CRACDL: variants seen among roughly 807,000 people sequenced by gnomAD.
CRACDL encodes the protein CRACD-like protein.
In CRACDL, 26 loss-of-function variants were observed where a neutral mutation model predicts 70.6. The ratio of observed to expected loss-of-function variants is 0.37; its 90% CI spans 0.27 to 0.51. CRACDL has a LOEUF of 0.51. Ranked by LOEUF, CRACDL falls within the 20% of genes least tolerant of loss-of-function variation. The probability of loss-of-function intolerance (pLI) is 0.94; values close to 1 mark genes in which losing one functional copy is unlikely to be tolerated. For synonymous variants in CRACDL, 618 were observed against 615.2 expected (o/e 1.00, Z -0.07); for missense variants, 1,283 against 1,376.9 (o/e 0.93, Z 1.08).
At chr2:98,795,066 T>A (rs1220149380) in intron 9 of CRACDL, among the ~76,000 whole-genome samples, 2 of 57,754 alleles carry the variant, frequency 3.5e-5, no homozygotes, top group African/African-American at 5.9e-5. Context: ...TATATATATA[T>A]ATATATATAT....
intron 1 of CRACDL, among the ~76,000 whole-genome samples, chr2:98,890,864 C>T (rs1339001151): frequency 3.3e-5 from 5 of 151,748 alleles, no homozygotes; most frequent in Non-Finnish European, 5.9e-5. Context: ...CGAGACCAGC[C>T]TCGTCAACAC....
intron 1 of CRACDL, among the ~76,000 whole-genome samples, chr2:98,911,847 T>C (rs1011586558): frequency 5.3e-5 from 8 of 152,084 alleles, no homozygotes; most frequent in Non-Finnish European, 8.8e-5. Flanking sequence ...CAATCTCTGC[T>C]CCGTGTGTGT....
chr2:98,858,689 A>G (rs1447156640), intron 1 of CRACDL, among the ~76,000 whole-genome samples: 1 of 152,100 alleles, frequency 6.6e-6, no homozygotes, highest in African/African-American at 2.4e-5. Context: ...TAAATAATCA[A>G]TGCAACAAAA....
At chr2:98,931,130 G>C (rs1399237284) in intron 1 of CRACDL, among the ~76,000 whole-genome samples, 1 of 152,092 alleles carries the variant, frequency 6.6e-6, no homozygotes, top group Non-Finnish European at 1.5e-5. Flanking sequence ...ATCGAGACCA[G>C]CCTGGCTAAC....
At chr2:98,804,681 T>C (rs995915134) in intron 7 of CRACDL, among the ~76,000 whole-genome samples, 1 of 152,198 alleles carries the variant, frequency 6.6e-6, no homozygotes, top group Non-Finnish European at 1.5e-5. Context: ...CCGATGGAGA[T>C]AATGTGTGTT....
intron 1 of CRACDL, among the ~76,000 whole-genome samples, chr2:98,915,682 A>T (rs1708647473): frequency 6.6e-6 from 1 of 152,028 alleles, no homozygotes; most frequent in Non-Finnish European, 1.5e-5. Context: ...GGGGTGGGGG[A>T]AATAGCTGTG....
At chr2:98,892,713 A>AT (rs923123245) in intron 1 of CRACDL, among the ~76,000 whole-genome samples, 8 of 152,022 alleles carry the variant, frequency 5.3e-5, no homozygotes, top group African/African-American at 1.7e-4. Flanking sequence ...ATAAAATAAA[A>AT]TTTTTTTAAA....
intron 1 of CRACDL, among the ~76,000 whole-genome samples, chr2:98,889,360 C>T (rs1707902935): frequency 6.7e-6 from 1 of 149,806 alleles, no homozygotes; most frequent in African/African-American, 2.4e-5. Context: ...GTAACCAAAA[C>T]AGAGCTGGAG....
chr2:98,832,840 A>G (rs763215300), intron 4 of CRACDL, 22 bp downstream of exon 4: 11 of 1,613,090 alleles, frequency 6.8e-6, no homozygotes, highest in Admixed American at 1.7e-5. Context: ...ACACCAGGCG[A>G]CATGACCAAG....
At chr2:98,828,571 A>G (rs1705411332) in intron 5 of CRACDL, among the ~76,000 whole-genome samples, 2 of 152,170 alleles carry the variant, frequency 1.3e-5, no homozygotes, top group Non-Finnish European at 2.9e-5. Context: ...CCGGACAGGG[A>G]ACCATAAGGA....
chr2:98,822,223 C>A lies in CRACDL; in HGVS notation c.2050G>T (p.Val684Phe). Residue 684 changes from valine (V) to phenylalanine (F), a missense_variant, in exon 7 of 10, where the codon GTC becomes TTC. Around this residue, in one of 2 missense-constraint regions of CRACDL, gnomAD observed 921 missense variants for 881.9 expected, o/e 1.04. Transcript: ENST00000397899. This position sits in a 1 kb window ranked among gnomAD's most constrained non-coding sequence, Gnocchi z 4.9. ...APSEDRNPFP[V>F]KLRSTSLSLK... Reference sequence around the variant, plus strand: ...GAGAGGGAGGTGGACCGGAGCTTGACGGGGAAGGGGTTTCTGTCCTCACTC... The same window carrying A: ...GAGAGGGAGGTGGACCGGAGCTTGAAGGGGAAGGGGTTTCTGTCCTCACTC... The A allele has an allele frequency of 1.2e-6, 2 of 1,606,924 alleles. No individual in the cohort carries two copies. The highest frequency in any genetic ancestry group is 1.7e-6 in the Non-Finnish European group (2 of 1,179,030).
chr2:98,866,006 C>T (rs913403624), intron 1 of CRACDL, among the ~76,000 whole-genome samples: 2 of 152,024 alleles, frequency 1.3e-5, no homozygotes, highest in African/African-American at 2.4e-5. Context: ...CTCTCTGAAG[C>T]TGTCATCCAC....
intron 1 of CRACDL, among the ~76,000 whole-genome samples, chr2:98,888,152 C>G (rs181902027): frequency 2.4e-4 from 37 of 152,286 alleles, no homozygotes; most frequent in African/African-American, 7.7e-4. Flanking sequence ...CACTAGCAAA[C>G]CTGTCTTACA....
At chr2:98,924,922 C>T (rs544771420) in intron 1 of CRACDL, among the ~76,000 whole-genome samples, 1 of 152,324 alleles carries the variant, frequency 6.6e-6, no homozygotes, top group South Asian at 2.1e-4. Flanking sequence ...TTTCCTTCTC[C>T]CTACAGCCCT....
chr2:98,870,918 C>T (rs899470071), intron 1 of CRACDL, among the ~76,000 whole-genome samples: 1 of 152,234 alleles, frequency 6.6e-6, no homozygotes, highest in Non-Finnish European at 1.5e-5. Flanking sequence ...CATCACTCCA[C>T]ACTGAGACAA....
At chr2:98,878,060 C>T (rs927413263) in intron 1 of CRACDL, among the ~76,000 whole-genome samples, 2 of 151,636 alleles carry the variant, frequency 1.3e-5, no homozygotes, top group African/African-American at 4.8e-5. Flanking sequence ...GATTCTCCTG[C>T]CTCAGCCTCC....
In CRACDL at chr2:98,822,893, G is replaced by C. The variant is rs1254497009; in HGVS notation, c.1380C>G (p.Pro460=). The change falls in exon 7 of 10, where the codon CCC becomes CCG. Residue 460 remains proline, a synonymous_variant. Transcript: ENST00000397899. This position sits in a 1 kb window ranked among gnomAD's most constrained non-coding sequence, Gnocchi z 4.9. The part of the protein sequence containing the change: ...EKGPPGPAPE[P]EREAETEPER... Reference sequence around the variant, plus strand: ...CGGGCTCCGTCTCCGCTTCTCTCTCGGGCTCAGGCGCCGGCCCTGGGGGCC... The same window carrying C: ...CGGGCTCCGTCTCCGCTTCTCTCTCCGGCTCAGGCGCCGGCCCTGGGGGCC... The C allele has an allele frequency of 1.4e-6, 2 of 1,470,390 alleles. No individual in the cohort carries two copies. Among genetic ancestry groups the C allele is most frequent in the East Asian group, 2.7e-5 (1 of 37,260 alleles). The allele number at this position is 1,470,390 out of a possible 1,614,324, so 91.1% of individuals were successfully genotyped here.
At chr2:98,887,542 G>A (rs150722829) in intron 1 of CRACDL, among the ~76,000 whole-genome samples, 11 of 152,208 alleles carry the variant, frequency 7.2e-5, no homozygotes, top group East Asian at 3.9e-4. Flanking sequence ...AGCATACAAC[G>A]TGTACACTGA....
At chr2:98,884,793 C>T (rs577430005) in intron 1 of CRACDL, among the ~76,000 whole-genome samples, 1 of 152,168 alleles carries the variant, frequency 6.6e-6, no homozygotes, top group Non-Finnish European at 1.5e-5. Context: ...CCTGCCAACG[C>T]CTTCATCTTG....
Sources: gnomAD v4.1 joint callset for allele counts (sites outside exome capture counted in the v4.1 genomes callset) on GRCh38, gnomAD v4.1.1 for gene constraint, gnomAD v4.1.1 regional missense constraint, Gnocchi (gnomAD v3.1) non-coding constraint, MANE v1.5 for transcripts, NCBI Gene and HGNC (gene_info 2026-07-23, HGNC 2026-07-21) for gene names.